Variants in VAT1L observed in about 807,000 individuals in gnomAD.
VAT1L encodes the protein putative NADPH-dependent quinone oxidoreductase VAT1L.
In VAT1L, 34 loss-of-function variants were observed where a neutral mutation model predicts 44.1. The ratio of observed to expected loss-of-function variants is 0.77; its 90% CI spans 0.59 to 1.03. The LOEUF (loss-of-function observed/expected upper bound fraction) is 1.03. VAT1L is among the 50% of genes least tolerant of loss of function. The pLI, the probability that VAT1L is intolerant of heterozygous loss-of-function variation, is 0.00. For synonymous variants in VAT1L, 253 were observed against 202.2 expected (o/e 1.25, Z -2.13); for missense variants, 615 against 538.8 (o/e 1.14, Z -1.40).
chr16:77,809,260 A>G (rs2145225610), intron 1 of VAT1L, among the ~76,000 whole-genome samples: 1 of 152,344 alleles, frequency 6.6e-6, no homozygotes, highest in African/African-American at 2.4e-5. Context: ...GACACTCAAC[A>G]CCATGCCTGA....
intron 3 of VAT1L, among the ~76,000 whole-genome samples, chr16:77,826,206 CAAA>C (rs11298500): frequency 1.4e-4 from 18 of 128,226 alleles, no homozygotes; most frequent in African/African-American, 1.7e-4. Flanking sequence ...GACTCCGTCT[CAAA>C]AAAAAAAAAA....
intron 7 of VAT1L, among the ~76,000 whole-genome samples, chr16:77,936,414 C>T (rs960443791): frequency 6.6e-6 from 1 of 152,108 alleles, no homozygotes; most frequent in African/African-American, 2.4e-5. Flanking sequence ...CCCTTTCTGC[C>T]TCATTGCACC....
chr16:77,960,272 T>G (rs1363920856), intron 7 of VAT1L, among the ~76,000 whole-genome samples: 1 of 152,130 alleles, frequency 6.6e-6, no homozygotes, highest in Non-Finnish European at 1.5e-5. Flanking sequence ...ACACACTCAG[T>G]GTATTTGTTG....
chr16:77,941,501 C>A (rs1449276155), intron 7 of VAT1L, among the ~76,000 whole-genome samples: 1 of 152,168 alleles, frequency 6.6e-6, no homozygotes, highest in Admixed American at 6.5e-5. Context: ...ATCTTCATGA[C>A]AGAATGATTT....
At chr16:77,956,201 T>G (rs1487245301) in intron 7 of VAT1L, among the ~76,000 whole-genome samples, 1 of 152,128 alleles carries the variant, frequency 6.6e-6, no homozygotes, top group Non-Finnish European at 1.5e-5. Context: ...TAAATATACA[T>G]ACTTACCATG....
At chr16:77,872,018 C>T (rs966998874) in intron 4 of VAT1L, among the ~76,000 whole-genome samples, 2 of 152,108 alleles carry the variant, frequency 1.3e-5, no homozygotes, top group Non-Finnish European at 2.9e-5. Flanking sequence ...ATGAACTGGG[C>T]TCTGTGTTCC....
rs560995663 is a variant in VAT1L, at chr16:77,793,651, G to A, written c.233+4736G>A. 5.3e-5 allele frequency among the ~76,000 whole-genome samples: 8 copies of A among 152,278 alleles called. No homozygotes were observed. The East Asian group carries it at 9.7e-4, about 18-fold the overall frequency. ...GGCTTGCAGTAGAAGGGCACTAATG[G>A]ATTAGGGACATTTATTTTCCCAGAA... On this transcript the variant is annotated intron_variant, in intron 1 of 8. Coordinates refer to ENST00000302536, the MANE Select transcript of VAT1L (RefSeq NM_020927.3).
rs10566511 is a variant in VAT1L, at chr16:77,964,779, C to CTTTTTTTTTTTTTTTT, written c.1078-7054_1078-7039dup. On this transcript the variant is annotated intron_variant, in intron 7 of 8. Transcript: ENST00000302536. Reference sequence around the variant, plus strand: ...AACACTGCTCACGCCCTTTGTAGCACTTTTTTTTTTTTTTTTTTTTTTTTT... The same window carrying CTTTTTTTTTTTTTTTT: ...AACACTGCTCACGCCCTTTGTAGCACTTTTTTTTTTTTTTTTTTTTTTTTTTTTTTTTTTTTTTTTT... Among the ~76,000 whole-genome samples, 5 of 91,882 alleles carry CTTTTTTTTTTTTTTTT rather than the reference C, an allele frequency of 5.4e-5. 1 individual carries two copies. The highest frequency in any genetic ancestry group is 2.7e-4 in the Admixed American group (2 of 7,508). The allele number at this position is 91,882 out of a possible 152,430, so 60.3% of individuals were successfully genotyped here.
intron 7 of VAT1L, among the ~76,000 whole-genome samples, chr16:77,899,156 T>C (rs1339570375): frequency 1.3e-5 from 2 of 151,726 alleles, no homozygotes; most frequent in Admixed American, 1.3e-4. Context: ...ATTGCCCCCA[T>C]TTTACAGATG....
At chr16:77,931,403 G>A (rs1797407109) in intron 7 of VAT1L, among the ~76,000 whole-genome samples, 1 of 152,120 alleles carries the variant, frequency 6.6e-6, no homozygotes, top group African/African-American at 2.4e-5. Context: ...AGCCTACATA[G>A]AAATAACTTT....
chr16:77,936,647 G>T (rs1358518882), intron 7 of VAT1L, among the ~76,000 whole-genome samples: 2 of 152,138 alleles, frequency 1.3e-5, no homozygotes, highest in Non-Finnish European at 2.9e-5. Context: ...TCCTACCTGT[G>T]CACTTCCTGC....
chr16:77,921,376 C>T (rs772158923), intron 7 of VAT1L, among the ~76,000 whole-genome samples: 2 of 152,160 alleles, frequency 1.3e-5, no homozygotes, highest in East Asian at 1.9e-4. Flanking sequence ...CATACGGGTG[C>T]TTGATAACTT....
chr16:77,951,775 CT>C (rs1473765937), intron 7 of VAT1L, among the ~76,000 whole-genome samples: 2 of 150,838 alleles, frequency 1.3e-5, no homozygotes, highest in Non-Finnish European at 2.9e-5. Context: ...CAAAGTTCTA[CT>C]TTGATGTATT....
intron 1 of VAT1L, among the ~76,000 whole-genome samples, chr16:77,799,190 CCT>C (rs967218560): frequency 6.6e-6 from 1 of 151,434 alleles, no homozygotes; most frequent in Admixed American, 6.6e-5. Flanking sequence ...GATCTCTCTC[CCT>C]CTCTTCCTCT....
At chr16:77,807,454 G>A (rs2145223369) in intron 1 of VAT1L, among the ~76,000 whole-genome samples, 1 of 152,276 alleles carries the variant, frequency 6.6e-6, no homozygotes, top group African/African-American at 2.4e-5. Flanking sequence ...AATTACTCAA[G>A]GAACCATGCT....
intron 8 of VAT1L, among the ~76,000 whole-genome samples, chr16:77,976,505 C>A (rs537479229): frequency 2.0e-5 from 3 of 152,204 alleles, no homozygotes; most frequent in Admixed American, 6.5e-5. Context: ...AGCTGAGATT[C>A]AGGGGCCAAA....
Position 77,817,029 on chromosome 16 carries a change from G to A in VAT1L, c.342G>A (p.Gly114=), listed in dbSNP as rs866983808. The change falls in exon 2 of 9, where the codon GGG becomes GGA. Residue 114 remains glycine (G), a synonymous_variant. Coordinates refer to ENST00000302536, the MANE Select transcript of VAT1L (RefSeq NM_020927.3). The part of the protein sequence containing the change: ...FECSGIVEAL[G]DSVKGYEIGD... ...GTTCTGGGATTGTTGAAGCTCTGGG[G>A]GACAGCGTGAAAGGATATGAGGTAA... 6.2e-7 allele frequency: 1 copy of A among 1,613,922 alleles called. No individual in the cohort carries two copies. Among genetic ancestry groups the A allele is most frequent in the East Asian group, 2.2e-5 (1 of 44,864 alleles).
chr16:77,870,333 A>T (rs2017018395), intron 4 of VAT1L, among the ~76,000 whole-genome samples: 1 of 152,262 alleles, frequency 6.6e-6, no homozygotes, highest in African/African-American at 2.4e-5. Context: ...GCTGTGGCAC[A>T]GATGAGTTCT....
At chr16:77,917,622 T>G (rs780712384) in intron 7 of VAT1L, among the ~76,000 whole-genome samples, 1 of 152,156 alleles carries the variant, frequency 6.6e-6, no homozygotes, top group Non-Finnish European at 1.5e-5. Flanking sequence ...GGGCTACAGA[T>G]AAGAAAACGG....
Sources: gnomAD v4.1 joint callset for allele counts (sites outside exome capture counted in the v4.1 genomes callset) on GRCh38, gnomAD v4.1.1 for gene constraint, MANE v1.5 for transcripts, NCBI Gene and HGNC (gene_info 2026-07-23, HGNC 2026-07-21) for gene names.